Variants in PCDHB15 observed in about 807,000 individuals in gnomAD.
PCDHB15 encodes protocadherin beta-15.
For synonymous variants in PCDHB15, 492 were observed against 447.9 expected (o/e 1.10, Z -1.24); for missense variants, 1,032 against 991.7 (o/e 1.04, Z -0.55).
rs1755266422 is a variant in PCDHB15, at chr5:141,246,537, A to G, written c.959A>G (p.Glu320Gly). The change falls in exon 1 of 1, where the codon GAG becomes GGG. Residue 320 changes from glutamate to glycine, a missense_variant. Glu to Gly is a moderately conservative substitution (Grantham distance 98). Coordinates refer to ENST00000231173, the MANE Select transcript of PCDHB15 (RefSeq NM_018935.4). ...ETMSSYDLDI[E>G]ASDGGGLSGK... is the part of the protein sequence containing the mutation. Reference sequence around the variant, plus strand: ...ATGTCTTCGTATGATCTAGATATAGAGGCATCTGATGGCGGGGGACTTTCT... The same window carrying G: ...ATGTCTTCGTATGATCTAGATATAGGGGCATCTGATGGCGGGGGACTTTCT... 9.9e-6 allele frequency: 16 copies of G among 1,614,058 alleles called. No individual in the cohort carries two copies. Among genetic ancestry groups the G allele is most frequent in the Non-Finnish European group, 1.4e-5 (16 of 1,180,034 alleles).
At position 141,245,435 on chromosome 5, in the gene PCDHB15, A is replaced by G. The variant is rs958347026; in HGVS notation, c.-144A>G. Reference sequence around the variant, plus strand: ...TAAGAGGAAAGCCTGTTAGCAGAGCACGGACCAGTGTCTCCGGAGAATGCT... The same window carrying G: ...TAAGAGGAAAGCCTGTTAGCAGAGCGCGGACCAGTGTCTCCGGAGAATGCT... On this transcript the variant is annotated 5_prime_UTR_variant, in exon 1 of 1. Coordinates refer to ENST00000231173, the MANE Select transcript of PCDHB15 (RefSeq NM_018935.4). The G allele has an allele frequency of 2.9e-5, 20 of 681,782 alleles. No individual in the cohort carries two copies. The highest frequency in any genetic ancestry group is 3.9e-5 in the South Asian group (2 of 51,010). The allele number at this position is 681,782 out of a possible 1,614,324, so 42.2% of individuals were successfully genotyped here.
rs1248608245 is a variant in PCDHB15 at position 141,248,257 on chromosome 5, C to G, written c.*315C>G. 1 of 191,502 alleles carries G rather than the reference C, an allele frequency of 5.2e-6. No homozygotes were observed. The highest frequency in any genetic ancestry group is 1.2e-5 in the Non-Finnish European group (1 of 84,886). 11.9% of individuals were successfully genotyped at this position (191,502 alleles called of 1,614,324 possible). A position where few individuals can be genotyped will look rare whatever the true frequency, so the allele number is the denominator to read the frequency against. On this transcript the variant is annotated 3_prime_UTR_variant, in exon 1 of 1. Coordinates refer to ENST00000231173, the MANE Select transcript of PCDHB15 (RefSeq NM_018935.4). The stretch of plus-strand genomic sequence containing the variant: ...AAATTACCTTTCACACTATATGACA[C>G]TACATAAGAATGTATGATTTTTGAA...
Position 141,247,619 on chromosome 5 carries a change from G to A in PCDHB15, c.2041G>A (p.Ala681Thr). ...GCTCCCAGAGGCGGCCCCGGCCCAA[G>A]CCCAGGCCGACTCGCTTACCGTCTA... The part of the protein sequence containing the change: ...LPLPEAAPAQ[A>T]QADSLTVYLV... The change falls in exon 1 of 1, where the codon GCC becomes ACC. Residue 681 changes from alanine to threonine, a missense_variant. Coordinates refer to ENST00000231173, the MANE Select transcript of PCDHB15 (RefSeq NM_018935.4). 1 of 1,610,310 alleles carries A rather than the reference G, an allele frequency of 6.2e-7. No homozygotes were observed. Among genetic ancestry groups the A allele is most frequent in the Non-Finnish European group, 8.5e-7 (1 of 1,179,806 alleles).
rs868929992 is a variant in PCDHB15 at position 141,247,184 on chromosome 5, C to A, written c.1606C>A (p.Arg536Ser). 6.2e-7 allele frequency: 1 copy of A among 1,613,030 alleles called. No homozygotes were observed. The highest frequency in any genetic ancestry group is 8.5e-7 in the Non-Finnish European group (1 of 1,179,812). ...AFEFRVGATD[R>S]GFPALSSEAL... Reference sequence around the variant, plus strand: ...CGAGTTCCGCGTGGGCGCCACAGACCGCGGCTTCCCGGCGCTGAGCAGCGA... The same window carrying A: ...CGAGTTCCGCGTGGGCGCCACAGACAGCGGCTTCCCGGCGCTGAGCAGCGA... Residue 536 changes from arginine to serine, a missense_variant, in exon 1 of 1, where the codon CGC (arginine) becomes AGC (serine). Physicochemically the swap from Arg to Ser is moderately radical, Grantham distance 110. Coordinates refer to ENST00000231173, the MANE Select transcript of PCDHB15 (RefSeq NM_018935.4).
rs782735954 is a variant in PCDHB15 at position 141,247,594 on chromosome 5, G to T, written c.2016G>T (p.Pro672=). The T allele has an allele frequency of 9.9e-6, 16 of 1,609,964 alleles. No homozygotes were observed. The highest frequency in any genetic ancestry group is 4.5e-5 in the East Asian group (2 of 44,876). Residue 672 remains proline (P), a synonymous_variant, in exon 1 of 1, where the codon CCG becomes CCT. Coordinates refer to ENST00000231173, the MANE Select transcript of PCDHB15 (RefSeq NM_018935.4). ...LVDGFSQPYL[P]LPEAAPAQAQ... ...ACGGCTTCTCTCAGCCCTACCTGCC[G>T]CTCCCAGAGGCGGCCCCGGCCCAAG...
chr5:141,246,935 C>G lies in PCDHB15; in HGVS notation c.1357C>G (p.Gln453Glu). The G allele has an allele frequency of 6.8e-6, 11 of 1,613,544 alleles. No individual in the cohort carries two copies. The highest frequency in any genetic ancestry group is 9.3e-6 in the Non-Finnish European group (11 of 1,180,032). ...DVNDNAPAFT[Q>E]TSYTLFVREN... ...CAATGACAACGCCCCCGCCTTCACC[C>G]AAACCTCCTACACCCTGTTCGTCCG... Residue 453 changes from glutamine (Q) to glutamate (E), a missense_variant, in exon 1 of 1, where the codon CAA becomes GAA. Coordinates refer to ENST00000231173, the MANE Select transcript of PCDHB15 (RefSeq NM_018935.4).
chr5:141,247,548 C>T lies in PCDHB15; in HGVS notation c.1970C>T (p.Thr657Met). The part of the protein sequence containing the change: ...NGEPPRSATA[T>M]LQVLLVDGFS... Reference sequence around the variant, plus strand: ...GAGCCTCCGCGCTCGGCCACCGCCACGCTGCAAGTGCTCCTGGTGGACGGC... The same window carrying T: ...GAGCCTCCGCGCTCGGCCACCGCCATGCTGCAAGTGCTCCTGGTGGACGGC... Residue 657 changes from threonine to methionine, a missense_variant, in exon 1 of 1, where the codon ACG becomes ATG. By Grantham distance (81) the Thr-to-Met change is moderately conservative. Coordinates refer to ENST00000231173, the MANE Select transcript of PCDHB15 (RefSeq NM_018935.4). 4.4e-6 allele frequency: 7 copies of T among 1,608,996 alleles called. No individual in the cohort carries two copies. Among genetic ancestry groups the T allele is most frequent in the Non-Finnish European group, 4.2e-6 (5 of 1,179,768 alleles).
At position 141,245,737 on chromosome 5, in the gene PCDHB15, G is replaced by T. The variant is rs1554291775; in HGVS notation, c.159G>T (p.Gly53=). 8.7e-6 allele frequency: 14 copies of T among 1,614,212 alleles called. No individual in the cohort carries two copies. In the East Asian group the frequency reaches 2.5e-4, roughly 28 times the overall value. ...SFVANLANDL[G]LGVGELAERG... ...TAGCCAACCTGGCCAATGACCTAGG[G>T]CTGGGAGTGGGGGAGCTAGCCGAGC... The change falls in exon 1 of 1, where the codon GGG becomes GGT. Residue 53 remains glycine (G), a synonymous_variant. Coordinates refer to ENST00000231173, the MANE Select transcript of PCDHB15 (RefSeq NM_018935.4).
rs1007310767 is a variant in PCDHB15, at chr5:141,245,660, T to C, written c.82T>C (p.Trp28Arg). Residue 28 changes from tryptophan to arginine, a missense_variant, in exon 1 of 1, where the codon TGG becomes CGG. Transcript: ENST00000231173. ...TTTACTGGAAGTGACTCTGGCAGGC[T>C]GGGAACCCCGTCGCTATTCTGTGAT... ...LLLLEVTLAG[W>R]EPRRYSVMEE... The C allele has an allele frequency of 3.7e-6, 6 of 1,614,086 alleles. No individual in the cohort carries two copies. The highest frequency in any genetic ancestry group is 5.1e-6 in the Non-Finnish European group (6 of 1,180,044).
rs781875576 is a variant in PCDHB15 at position 141,246,891 on chromosome 5, C to G, written c.1313C>G (p.Thr438Ser). 1 of 1,614,038 alleles carries G rather than the reference C, an allele frequency of 6.2e-7. No homozygotes were observed. The highest frequency in any genetic ancestry group is 2.2e-5 in the East Asian group (1 of 44,868). Residue 438 changes from threonine to serine, a missense_variant, in exon 1 of 1, where the codon ACC becomes AGC. Physicochemically the swap from Thr to Ser is moderately conservative, Grantham distance 58. Coordinates refer to ENST00000231173, the MANE Select transcript of PCDHB15 (RefSeq NM_018935.4). ...TPRLKTEQSI[T>S]VLVSDVNDNA... ...AGGCTGAAAACCGAGCAGAGCATAA[C>G]CGTGCTGGTGTCGGACGTCAATGAC... is the stretch of plus-strand genomic sequence containing the variant.
At position 141,247,639 on chromosome 5, in the gene PCDHB15, C is replaced by T. The variant is rs539170158; in HGVS notation, c.2061C>T (p.Thr687=). The T allele has an allele frequency of 2.0e-5, 33 of 1,610,300 alleles. No homozygotes were observed. Among genetic ancestry groups the T allele is most frequent in the African/African-American group, 2.7e-5 (2 of 74,904 alleles). ...APAQAQADSL[T]VYLVVALASV... ...CCCAAGCCCAGGCCGACTCGCTTAC[C>T]GTCTACCTGGTGGTGGCATTGGCCT... Residue 687 remains threonine, a synonymous_variant, in exon 1 of 1, where the codon ACC becomes ACT. Transcript: ENST00000231173.
Position 141,246,885 on chromosome 5 carries a change from G to A in PCDHB15, c.1307G>A (p.Ser436Asn), listed in dbSNP as rs782562672. 3.3e-5 allele frequency: 53 copies of A among 1,613,924 alleles called. No homozygotes were observed. Among genetic ancestry groups the A allele is most frequent in the East Asian group, 6.7e-5 (3 of 44,880 alleles). The change falls in exon 1 of 1, where the codon AGC (serine) becomes AAC (asparagine). Residue 436 changes from serine to asparagine, a missense_variant. By Grantham distance (46) the Ser-to-Asn change is conservative. Transcript: ENST00000231173. ...LGTPRLKTEQ[S>N]ITVLVSDVND... is the part of the protein sequence containing the mutation. ...ACTCCAAGGCTGAAAACCGAGCAGA[G>A]CATAACCGTGCTGGTGTCGGACGTC...
In PCDHB15 at chr5:141,247,127, C is replaced by A. The variant is rs782639316; in HGVS notation, c.1549C>A (p.Gln517Lys). 15 of 1,613,820 alleles carry A rather than the reference C, an allele frequency of 9.3e-6. No homozygotes were observed. The highest frequency in any genetic ancestry group is 1.1e-5 in the South Asian group (1 of 91,080). ...GGACAACGGCCACCTGTTCGCTCTCCAGTCGCTGGACTACGAGGCCCTGCA... is the reference window on the plus strand; with the variant it reads ...GGACAACGGCCACCTGTTCGCTCTCAAGTCGCTGGACTACGAGGCCCTGCA... ...NTDNGHLFAL[Q>K]SLDYEALQAF... Residue 517 changes from glutamine to lysine, a missense_variant, in exon 1 of 1, where the codon CAG becomes AAG. Coordinates refer to ENST00000231173, the MANE Select transcript of PCDHB15 (RefSeq NM_018935.4).
rs1379280698 is a variant in PCDHB15 at position 141,245,543 on chromosome 5, T to C, written c.-36T>C. 6.3e-7 allele frequency: 1 copy of C among 1,588,380 alleles called. No individual in the cohort carries two copies. ...CATCGCTCCCTGAAGTAGCTCTGAC[T>C]CCGGTTCCTTGAAAGGGGCGTGTAC... On this transcript the variant is annotated 5_prime_UTR_variant, in exon 1 of 1. Coordinates refer to ENST00000231173, the MANE Select transcript of PCDHB15 (RefSeq NM_018935.4).
In PCDHB15 at chr5:141,246,239, C is replaced by T. The variant is rs202000272; in HGVS notation, c.661C>T (p.Pro221Ser). Residue 221 changes from proline to serine, a missense_variant, in exon 1 of 1, where the codon CCC (proline) becomes TCC (serine). Physicochemically the swap from Pro to Ser is moderately conservative, Grantham distance 74. Coordinates refer to ENST00000231173, the MANE Select transcript of PCDHB15 (RefSeq NM_018935.4). ...TLTAVDGGSP[P>S]RSGTVQILIL... is the part of the protein sequence containing the mutation. ...GACAGCGGTGGACGGTGGCTCTCCA[C>T]CCCGATCTGGCACCGTCCAGATCCT... 1 of 1,614,128 alleles carries T rather than the reference C, an allele frequency of 6.2e-7. No homozygotes were observed. The highest frequency in any genetic ancestry group is 8.5e-7 in the Non-Finnish European group (1 of 1,180,016).
rs781905990 is a variant in PCDHB15 at position 141,246,435 on chromosome 5, A to T, written c.857A>T (p.Gln286Leu). Residue 286 changes from glutamine to leucine, a missense_variant, in exon 1 of 1, where the codon CAG becomes CTG. Transcript: ENST00000231173. ...TCATACTCCCTTTATTACAGCTCTC[A>T]GGAGATAGACAAACCTTTTGAGCTA... ...EISYSLYYSSQEIDKPFELSS... is the reference protein window; with the variant it reads ...EISYSLYYSSLEIDKPFELSS... 1.4e-5 allele frequency: 23 copies of T among 1,614,094 alleles called. No individual in the cohort carries two copies. Among genetic ancestry groups the T allele is most frequent in the Non-Finnish European group, 8.5e-7 (1 of 1,180,030 alleles).
rs1554292016 is a variant in PCDHB15, at chr5:141,246,786, T to G, written c.1208T>G (p.Leu403Arg). 1 of 1,614,100 alleles carries G rather than the reference T, an allele frequency of 6.2e-7. No individual in the cohort carries two copies. The highest frequency in any genetic ancestry group is 2.2e-5 in the East Asian group (1 of 44,874). The change falls in exon 1 of 1, where the codon CTG (leucine) becomes CGG (arginine). Residue 403 changes from leucine (L) to arginine (R), a missense_variant. Transcript: ENST00000231173. ...LKPSVENFYRLVTEGALDRET... is the reference protein window; with the variant it reads ...LKPSVENFYRRVTEGALDRET... ...CCTTCTGTTGAGAATTTCTACAGGC[T>G]GGTAACAGAAGGGGCGCTGGACAGA...
rs782306616 is a variant in PCDHB15 at position 141,246,706 on chromosome 5, G to A, written c.1128G>A (p.Gly376=). ...TTAGGATTAGAGACCGAGACTCTGGGGAAAATGGAAAAATGATTTGCTCAA... is the reference window on the plus strand; with the variant it reads ...TTAGGATTAGAGACCGAGACTCTGGAGAAAATGGAAAAATGATTTGCTCAA... ...ALFRIRDRDS[G]ENGKMICSIQ... The change falls in exon 1 of 1, where the codon GGG becomes GGA. Residue 376 remains glycine (G), a synonymous_variant. Transcript: ENST00000231173. 1.4e-5 allele frequency: 22 copies of A among 1,613,940 alleles called. 1 individual carries two copies. In the South Asian group the frequency reaches 2.4e-4, roughly 18 times the overall value.
rs2149696689 is a variant in PCDHB15 at position 141,248,486 on chromosome 5, T to G, written c.*544T>G. The G allele has an allele frequency of 6.6e-6, 1 of 152,590 alleles. No homozygotes were observed. Among genetic ancestry groups the G allele is most frequent in the East Asian group, 1.9e-4 (1 of 5,190 alleles). The allele number at this position is 152,590 out of a possible 1,614,324, so 9.5% of individuals were successfully genotyped here. A position where few individuals can be genotyped will look rare whatever the true frequency, so the allele number is the denominator to read the frequency against. On this transcript the variant is annotated 3_prime_UTR_variant, in exon 1 of 1. Coordinates refer to ENST00000231173, the MANE Select transcript of PCDHB15 (RefSeq NM_018935.4). ...GGTCACACTTGTAAGCATTAGATTT[T>G]CATTCTAAAACACATATGTCATCTC...
Sources: gnomAD v4.1 joint callset for allele counts on GRCh38, gnomAD v4.1.1 for gene constraint, MANE v1.5 for transcripts, NCBI Gene and HGNC (gene_info 2026-07-23, HGNC 2026-07-21) for gene names.